The following MACROD2 variants were observed in gnomAD, a reference collection of about 807,000 sequenced individuals.
The protein encoded by MACROD2 is ADP-ribose glycohydrolase MACROD2.
MACROD2 carries 36 observed loss-of-function variants against 70.4 expected under a neutral mutation model. That is an observed-to-expected ratio of 0.51 (90% CI 0.39 to 0.68). The LOEUF (loss-of-function observed/expected upper bound fraction) is 0.68, where lower values mean the gene tolerates loss of function less well. Ranked by LOEUF, MACROD2 falls within the 30% of genes least tolerant of loss-of-function variation. The pLI is 0.00. For synonymous variants in MACROD2, 172 were observed against 178.8 expected, an observed-to-expected ratio of 0.96 and a Z score of 0.30; for missense variants, 496 against 538.4, an observed-to-expected ratio of 0.92 and a Z score of 0.78.
At chr20:15,551,310 A>G (rs1054522832) in intron 8 of MACROD2, among the ~76,000 whole-genome samples, 1 of 150,866 alleles carries the variant, frequency 6.6e-6, no homozygotes, top group African/African-American at 2.5e-5. Context: ...CTTCTTCCTT[A>G]CTATCTGTTA....
chr20:14,530,279 G>A (rs17263841), intron 4 of MACROD2, among the ~76,000 whole-genome samples: 10,800 of 152,194 alleles, frequency 0.071, 733 homozygotes, highest in East Asian at 0.39. Flanking sequence ...AAGTCCCAGG[G>A]AACTGATAAG....
At chr20:14,130,945 T>C (rs2054710124) in intron 3 of MACROD2, among the ~76,000 whole-genome samples, 1 of 141,606 alleles carries the variant, frequency 7.1e-6, no homozygotes, top group African/African-American at 2.6e-5. Flanking sequence ...TTTTTTTTTT[T>C]CTTGAGACAG....
chr20:15,432,839 G>A (rs1305357318), intron 7 of MACROD2, among the ~76,000 whole-genome samples: 1 of 151,962 alleles, frequency 6.6e-6, no homozygotes, highest in South Asian at 2.1e-4. Context: ...TGTGTTAAGA[G>A]CTTCAAAAAG....
intron 3 of MACROD2, among the ~76,000 whole-genome samples, chr20:14,311,557 A>G (rs2082566972): frequency 6.6e-6 from 1 of 152,060 alleles, no homozygotes; most frequent in East Asian, 1.9e-4. Flanking sequence ...TCACTCCGTC[A>G]CCCAGGCTGG....
chr20:15,685,188 T>TCA (rs2050210362), intron 8 of MACROD2, among the ~76,000 whole-genome samples: 1 of 152,164 alleles, frequency 6.6e-6, no homozygotes, highest in African/African-American at 2.4e-5. Flanking sequence ...TGAAAGGGGT[T>TCA]GCATGGGATC....
Position 13,995,770 on chromosome 20 carries a change from C to T in MACROD2, c.7C>T (p.Pro3Ser). 1 of 1,612,116 alleles carries T rather than the reference C, an allele frequency of 6.2e-7. No individual in the cohort carries two copies. ...CAGCCACCCCCACGGCAACATGTAC[C>T]CCAGCAACAAGAAGAAAAAGGTGTG... MY[P>S]SNKKKKVWRE... The change falls in exon 1 of 18, where the codon CCC becomes TCC. Residue 3 changes from proline to serine, a missense_variant. Physicochemically the swap from Pro to Ser is moderately conservative, Grantham distance 74. Transcript: ENST00000684519. This position sits in a 1 kb window ranked among gnomAD's most constrained non-coding sequence, Gnocchi z 4.3.
chr20:15,902,416 T>TA (rs1233990227), intron 10 of MACROD2, among the ~76,000 whole-genome samples: 1 of 151,180 alleles, frequency 6.6e-6, no homozygotes, highest in African/African-American at 2.4e-5. Flanking sequence ...GATTGGCAGA[T>TA]AAAAAATGGA....
intron 5 of MACROD2, among the ~76,000 whole-genome samples, chr20:14,736,977 T>A (rs1183555355): frequency 6.6e-6 from 1 of 152,112 alleles, no homozygotes; most frequent in Non-Finnish European, 1.5e-5. Flanking sequence ...AAATATACTT[T>A]AAGTTCTGGG....
chr20:14,334,221 A>T (rs756387751), intron 3 of MACROD2, among the ~76,000 whole-genome samples: 1 of 152,228 alleles, frequency 6.6e-6, no homozygotes, highest in South Asian at 2.1e-4. Flanking sequence ...CAACATAAAC[A>T]TAGCTTTGAA....
intron 3 of MACROD2, among the ~76,000 whole-genome samples, chr20:14,269,520 C>T (rs1237327528): frequency 6.6e-6 from 1 of 151,990 alleles, no homozygotes; most frequent in East Asian, 1.9e-4. Flanking sequence ...TTATTCTTAG[C>T]AACATAAATA....
chr20:14,146,712 A>T (rs927536715), intron 3 of MACROD2, among the ~76,000 whole-genome samples: 2 of 152,214 alleles, frequency 1.3e-5, no homozygotes, highest in African/African-American at 4.8e-5. Flanking sequence ...TAAAAGATGG[A>T]TTGATACTTC....
chr20:15,068,850 C>G (rs893428980), intron 5 of MACROD2, among the ~76,000 whole-genome samples: 11 of 152,096 alleles, frequency 7.2e-5, no homozygotes, highest in Non-Finnish European at 1.3e-4. Flanking sequence ...TGTAAAGATA[C>G]TTGAAGATGT....
At chr20:14,541,230 C>T (rs1355716900) in intron 4 of MACROD2, among the ~76,000 whole-genome samples, 1 of 152,104 alleles carries the variant, frequency 6.6e-6, no homozygotes, top group Non-Finnish European at 1.5e-5. Flanking sequence ...GGGGAGCACA[C>T]ATATATTAAT....
At chr20:14,963,958 T>G (rs1254021129) in intron 5 of MACROD2, among the ~76,000 whole-genome samples, 2 of 152,140 alleles carry the variant, frequency 1.3e-5, no homozygotes, top group East Asian at 3.9e-4. Context: ...TAAATTACAG[T>G]TTTTTGCATT....
At chr20:14,755,377 A>G (rs1182280250) in intron 5 of MACROD2, among the ~76,000 whole-genome samples, 1 of 152,058 alleles carries the variant, frequency 6.6e-6, no homozygotes, top group Non-Finnish European at 1.5e-5. Context: ...TTCTTGCCTC[A>G]TGTACTTTAG....
At chr20:15,367,200 G>A (rs2045423046) in intron 6 of MACROD2, among the ~76,000 whole-genome samples, 1 of 151,542 alleles carries the variant, frequency 6.6e-6, no homozygotes, top group Non-Finnish European at 1.5e-5. Flanking sequence ...GCTAATTTTT[G>A]TATTTTTAGT....
intron 3 of MACROD2, among the ~76,000 whole-genome samples, chr20:14,144,182 T>C (rs2054913991): frequency 6.6e-6 from 1 of 152,160 alleles, no homozygotes; most frequent in African/African-American, 2.4e-5. Flanking sequence ...GGAATGCATA[T>C]AAAGACATAT....
At chr20:14,134,120 T>A (rs1256982915) in intron 3 of MACROD2, among the ~76,000 whole-genome samples, 1 of 152,208 alleles carries the variant, frequency 6.6e-6, no homozygotes, top group South Asian at 2.1e-4. Context: ...TACTCCTTAA[T>A]ATACCTCCTG....
At chr20:14,514,541 G>T (rs977610244) in intron 4 of MACROD2, among the ~76,000 whole-genome samples, 1 of 152,088 alleles carries the variant, frequency 6.6e-6, no homozygotes, top group Admixed American at 6.6e-5. Context: ...AATTACGTTA[G>T]ACTACTGCAT....
Sources: allele counts gnomAD v4.1 joint callset (sites outside exome capture counted in the v4.1 genomes callset), GRCh38; gene constraint gnomAD v4.1.1; non-coding constraint Gnocchi (gnomAD v3.1); transcripts MANE v1.5; gene names NCBI Gene and HGNC (gene_info 2026-07-23, HGNC 2026-07-21).